Variants in PUDP observed in about 807,000 individuals in gnomAD.
PUDP encodes pseudouridine 5'-phosphatase.
Under a neutral mutation model 9.4 loss-of-function variants are expected in PUDP, and 8 were observed. The ratio of observed to expected loss-of-function variants is 0.85; its 90% CI spans 0.50 to 1.53. The LOEUF is 1.53. Ranked by LOEUF, PUDP falls within the 40% of genes most tolerant of loss-of-function variation. The pLI is 0.00. For synonymous variants in PUDP, 99 were observed against 80.7 expected (o/e 1.23, Z -1.22); for missense variants, 188 against 189.7 (o/e 0.99, Z 0.05).
intron 1 of PUDP, among the ~76,000 whole-genome samples, chrX:7,016,224 TTGA>T (rs1332658216): frequency 9.0e-6 from 1 of 110,763 alleles, no homozygotes; most frequent in East Asian, 2.9e-4. Flanking sequence ...TCCTAGCTAC[TTGA>T]GAGGCTGAGG....
At chrX:6,975,596 GA>G (rs1422888727) in intron 3 of PUDP, among the ~76,000 whole-genome samples, 2 of 111,410 alleles carry the variant, frequency 1.8e-5, no homozygotes, top group African/African-American at 3.3e-5. Context: ...CTTCATCCCA[GA>G]GGGGCACCCG....
At chrX:6,808,976 T>C (rs62590375) in intron 3 of PUDP, among the ~76,000 whole-genome samples, 10,393 of 111,681 alleles carry the variant, frequency 0.093, 423 homozygotes, top group Non-Finnish European at 0.12. Flanking sequence ...AGTCCTTGTA[T>C]GTTGAGTAGA....
intron 3 of PUDP, among the ~76,000 whole-genome samples, chrX:6,779,450 T>C (rs780792201): frequency 2.1e-3 from 235 of 111,564 alleles, no homozygotes; most frequent in Non-Finnish European, 3.5e-3. Flanking sequence ...CCAGGAGAGA[T>C]GGTCATTTTC....
chrX:7,000,324 C>A (rs949926713), intron 1 of PUDP, among the ~76,000 whole-genome samples: 1 of 111,065 alleles, frequency 9.0e-6, no homozygotes, highest in Non-Finnish European at 1.9e-5. Context: ...AAAAAACAAA[C>A]GAACAAACAA....
At chrX:6,939,479 T>TA (rs1928366735) in intron 3 of PUDP, among the ~76,000 whole-genome samples, 1 of 108,985 alleles carries the variant, frequency 9.2e-6, no homozygotes, top group Non-Finnish European at 1.9e-5. Flanking sequence ...TTAGATGAAA[T>TA]AATCTATTAT....
intron 3 of PUDP, among the ~76,000 whole-genome samples, chrX:6,824,581 TG>T (rs934789409): frequency 2.7e-5 from 3 of 111,826 alleles, no homozygotes; most frequent in African/African-American, 9.8e-5. Context: ...TAAACCTGGT[TG>T]ACCAACGTAA....
intron 3 of PUDP, among the ~76,000 whole-genome samples, chrX:6,896,630 C>T (rs1927596511): frequency 9.1e-6 from 1 of 109,634 alleles, no homozygotes; most frequent in South Asian, 3.9e-4. Context: ...GTGATGTAGC[C>T]AGGAGCTCCC....
In PUDP at chrX:7,105,440, T is replaced by G. The variant is rs747306868; in HGVS notation, c.280+180A>C. Among the ~76,000 whole-genome samples, 46 of 111,571 alleles carry G rather than the reference T, an allele frequency of 4.1e-4. 1 individual carries two copies. Among genetic ancestry groups the G allele is most frequent in the Non-Finnish European group, 6.6e-4 (35 of 53,175 alleles). On this transcript the variant is annotated intron_variant, in intron 2 of 3. Transcript: ENST00000381077. Reference sequence around the variant, plus strand: ...TTTAAGAAGCTTTTAAAGAGAAAATTGAATCACAGCATCCCACAGCATCAG... The same window carrying G: ...TTTAAGAAGCTTTTAAAGAGAAAATGGAATCACAGCATCCCACAGCATCAG...
At chrX:6,947,038 T>C (rs927491619) in intron 3 of PUDP, among the ~76,000 whole-genome samples, 6 of 108,339 alleles carry the variant, frequency 5.5e-5, no homozygotes, top group Admixed American at 2.0e-4. Context: ...TCTCACTCTA[T>C]TGCCCAGGCT....
intron 3 of PUDP, among the ~76,000 whole-genome samples, chrX:6,839,799 G>A (rs186974839): frequency 9.9e-5 from 11 of 110,661 alleles, no homozygotes; most frequent in Non-Finnish European, 1.9e-4. Context: ...TTTGGAAGAC[G>A]GTTTGGCAGT....
At chrX:6,846,504 A>T (rs1358982693) in intron 3 of PUDP, among the ~76,000 whole-genome samples, 1 of 108,207 alleles carries the variant, frequency 9.2e-6, no homozygotes, top group African/African-American at 3.4e-5. Flanking sequence ...TGGCTGTGAG[A>T]CTCCCTCTCC....
chrX:7,144,764 A>C (rs1381575754), intron 1 of PUDP, among the ~76,000 whole-genome samples: 1 of 111,923 alleles, frequency 8.9e-6, no homozygotes, highest in Non-Finnish European at 1.9e-5. Context: ...CAACACTGCA[A>C]ATGTTCTTAT....
At chrX:6,853,773 T>G (rs984798694) in intron 3 of PUDP, among the ~76,000 whole-genome samples, 24 of 111,153 alleles carry the variant, frequency 2.2e-4, no homozygotes, top group African/African-American at 7.9e-4. Context: ...GTTTTTAAAT[T>G]TTTTTTTAAG....
chrX:7,020,034 G>C (rs1001439513), intron 1 of PUDP, among the ~76,000 whole-genome samples: 2 of 110,270 alleles, frequency 1.8e-5, no homozygotes, highest in Non-Finnish European at 3.8e-5. Flanking sequence ...GAGAGAGAGA[G>C]AGAAAGGGAG....
At chrX:6,802,900 AC>A (rs1227368235) in intron 3 of PUDP, among the ~76,000 whole-genome samples, 1 of 7,317 alleles carries the variant, frequency 1.4e-4, no homozygotes, top group African/African-American at 8.9e-4. Flanking sequence ...AAATAACATA[AC>A]ATAACATAAC....
chrX:6,749,376 T>C (rs775617724), intron 3 of PUDP, among the ~76,000 whole-genome samples: 12 of 111,182 alleles, frequency 1.1e-4, no homozygotes, highest in African/African-American at 3.9e-4. Context: ...TATGGTTCGA[T>C]TGATCTGGGA....
At chrX:6,904,107 G>A (rs1045660556) in intron 3 of PUDP, among the ~76,000 whole-genome samples, 8 of 108,613 alleles carry the variant, frequency 7.4e-5, no homozygotes, top group South Asian at 4.2e-4. Context: ...ACCCGCCACC[G>A]TGCCCAGCTA....
At chrX:7,048,723 A>C, downstream of PUDP, among the ~76,000 whole-genome samples, 1 of 112,538 alleles carries the variant, frequency 8.9e-6, no homozygotes, top group Admixed American at 9.4e-5. Flanking sequence ...AAATCAAAGA[A>C]GTAAGTCTTT....
chrX:7,118,480 G>A (rs1032940261), intron 1 of PUDP, among the ~76,000 whole-genome samples: 1 of 112,195 alleles, frequency 8.9e-6, no homozygotes, highest in Admixed American at 9.4e-5. Flanking sequence ...TTAACGGTAT[G>A]GTTTGCTTGT....
Sources: gnomAD v4.1 joint callset for allele counts (sites outside exome capture counted in the v4.1 genomes callset) on GRCh38, gnomAD v4.1.1 for gene constraint, MANE v1.5 for transcripts, NCBI Gene and HGNC (gene_info 2026-07-23, HGNC 2026-07-21) for gene names.